The following DOCK4 variants were observed in gnomAD, a reference collection of about 807,000 sequenced individuals.
The protein encoded by DOCK4 is dedicator of cytokinesis 4, also known as dedicator of cytokinesis protein 4.
Under a neutral mutation model 268.1 loss-of-function variants are expected in DOCK4, and 97 were observed. The observed-to-expected ratio is 0.36, with a 90% CI of 0.31 to 0.43. The LOEUF (loss-of-function observed/expected upper bound fraction) is 0.43, where lower values mean the gene tolerates loss of function less well. Ranked by LOEUF, DOCK4 falls within the 20% of genes least tolerant of loss-of-function variation. The probability of loss-of-function intolerance (pLI) is 1.00; values close to 1 mark genes in which losing one functional copy is unlikely to be tolerated. For synonymous variants in DOCK4, 954 were observed against 887.2 expected, an observed-to-expected ratio of 1.08 and a Z score of -1.34; for missense variants, 2,145 against 2,455.7, an observed-to-expected ratio of 0.87 and a Z score of 2.67.
At chr7:111,947,914 G>T (rs1428825694) in intron 8 of DOCK4, among the ~76,000 whole-genome samples, 1 of 152,004 alleles carries the variant, frequency 6.6e-6, no homozygotes, top group East Asian at 1.9e-4. Context: ...TTTTAGTAGA[G>T]ATGGGGTTTC....
At chr7:111,748,875 T>C (rs1256116660) in intron 42 of DOCK4, among the ~76,000 whole-genome samples, 4 of 152,122 alleles carry the variant, frequency 2.6e-5, no homozygotes, top group Non-Finnish European at 5.9e-5. Flanking sequence ...GTTCATGGAA[T>C]GGAATAGTAT....
chr7:112,077,011 G>A (rs1387225868), intron 1 of DOCK4, among the ~76,000 whole-genome samples: 9 of 152,068 alleles, frequency 5.9e-5, no homozygotes, highest in South Asian at 2.1e-4. Flanking sequence ...GTACTTAGAC[G>A]TTTGATTTTA....
At chr7:111,880,298 G>A (rs1807274788) in intron 16 of DOCK4, among the ~76,000 whole-genome samples, 1 of 152,046 alleles carries the variant, frequency 6.6e-6, no homozygotes, top group Admixed American at 6.6e-5. Context: ...GTGCTAAAGG[G>A]GAAAGAAAAA....
chr7:112,132,640 T>G (rs1048907669), intron 1 of DOCK4, among the ~76,000 whole-genome samples: 2 of 149,398 alleles, frequency 1.3e-5, no homozygotes, highest in East Asian at 2.0e-4. Flanking sequence ...CGGGGGGAGG[T>G]GGGGAAAGGC....
chr7:112,053,033 G>T (rs1805501785), intron 1 of DOCK4, among the ~76,000 whole-genome samples: 1 of 152,164 alleles, frequency 6.6e-6, no homozygotes, highest in Non-Finnish European at 1.5e-5. Context: ...CCCTTACCCA[G>T]TGTTTATTCA....
chr7:111,762,757 G>GTTTTTTTTTTTTTTT (rs1797499588), intron 39 of DOCK4, among the ~76,000 whole-genome samples: 2 of 55,010 alleles, frequency 3.6e-5, no homozygotes, highest in African/African-American at 6.7e-5. Context: ...ATTTTGTTTT[G>GTTTTTTTTTTTTTTT]TTTTCTTTTT....
intron 37 of DOCK4, among the ~76,000 whole-genome samples, chr7:111,768,092 A>G (rs191391686): frequency 6.6e-6 from 1 of 152,224 alleles, no homozygotes; most frequent in Admixed American, 6.5e-5. Context: ...ATTTCATATC[A>G]TTTTCACATG....
intron 13 of DOCK4, among the ~76,000 whole-genome samples, chr7:111,915,389 A>G (rs1384037033): frequency 2.0e-5 from 3 of 152,196 alleles, no homozygotes; most frequent in African/African-American, 7.2e-5. Flanking sequence ...ATCAAAACTT[A>G]GGATATCCTC....
intron 1 of DOCK4, among the ~76,000 whole-genome samples, chr7:112,068,000 G>T (rs1563053717): frequency 7.0e-6 from 1 of 143,166 alleles, no homozygotes; most frequent in African/African-American, 2.9e-5. Flanking sequence ...AAGCAGGTAT[G>T]TAATTATATA....
chr7:111,874,884 T>C (rs536334955), intron 17 of DOCK4, among the ~76,000 whole-genome samples: 56 of 152,278 alleles, frequency 3.7e-4, no homozygotes, highest in Middle Eastern at 3.4e-3. Context: ...AAATGCAAAT[T>C]TGCTCTATGA....
chr7:111,846,273 T>C (rs1483469920), intron 24 of DOCK4, among the ~76,000 whole-genome samples: 1 of 152,180 alleles, frequency 6.6e-6, no homozygotes. Flanking sequence ...TAAAACCTGT[T>C]ACCGATGAGC....
At chr7:111,954,732 A>C (rs998163367) in intron 8 of DOCK4, among the ~76,000 whole-genome samples, 1 of 152,148 alleles carries the variant, frequency 6.6e-6, no homozygotes, top group African/African-American at 2.4e-5. Flanking sequence ...CCCCGTCCTC[A>C]CATGGGGCTG....
chr7:111,934,049 A>G (rs1024153558), intron 12 of DOCK4, among the ~76,000 whole-genome samples: 2 of 152,216 alleles, frequency 1.3e-5, no homozygotes, highest in East Asian at 1.9e-4. Flanking sequence ...TGCAACAAAA[A>G]TATCTATATT....
At chr7:112,086,301 G>C (rs1275395860) in intron 1 of DOCK4, among the ~76,000 whole-genome samples, 1 of 151,948 alleles carries the variant, frequency 6.6e-6, no homozygotes, top group Admixed American at 6.6e-5. Flanking sequence ...TTAAATATAG[G>C]GACCATAAGT....
intron 1 of DOCK4, among the ~76,000 whole-genome samples, chr7:112,175,001 C>A (rs1417861003): frequency 7.0e-6 from 1 of 142,020 alleles, no homozygotes; most frequent in African/African-American, 2.7e-5. Flanking sequence ...AGTGCAGTGG[C>A]GCGATCTTGG....
At chr7:111,867,593 A>G (rs1283663411) in intron 22 of DOCK4, among the ~76,000 whole-genome samples, 1 of 152,204 alleles carries the variant, frequency 6.6e-6, no homozygotes, top group East Asian at 1.9e-4. Flanking sequence ...TGAGTCCAAT[A>G]TAATGATTCT....
intron 51 of DOCK4, 119 bp downstream of exon 51, chr7:111,734,935 C>T (rs1050865768): frequency 1.3e-6 from 1 of 759,164 alleles, no homozygotes; most frequent in Non-Finnish European, 2.2e-6. Context: ...TATGCAGCTA[C>T]TAAGGTTTTT....
chr7:112,098,419 C>G (rs1810349868), intron 1 of DOCK4, among the ~76,000 whole-genome samples: 1 of 151,656 alleles, frequency 6.6e-6, no homozygotes, highest in Non-Finnish European at 1.5e-5. Context: ...CCTCATGAGC[C>G]CCCCACCTCA....
chr7:111,989,243 G>T, intron 5 of DOCK4, 80 bp from the exon 6 acceptor site: 1 of 1,558,736 alleles, frequency 6.4e-7, no homozygotes, highest in Non-Finnish European at 8.7e-7. Flanking sequence ...AAAGGGAAGA[G>T]GCCCATTCTG....
Sources: gnomAD v4.1 joint callset for allele counts (sites outside exome capture counted in the v4.1 genomes callset) on GRCh38, gnomAD v4.1.1 for gene constraint, MANE v1.5 for transcripts, NCBI Gene and HGNC (gene_info 2026-07-23, HGNC 2026-07-21) for gene names.